PKIB: variants seen among roughly 807,000 people sequenced by gnomAD.
The protein encoded by PKIB is PKI-beta.
In PKIB, 2 loss-of-function variants were observed where a neutral mutation model predicts 4.5. That is an observed-to-expected ratio of 0.44 (90% CI 0.18 to 1.39). The LOEUF (loss-of-function observed/expected upper bound fraction) is 1.39, where lower values mean the gene tolerates loss of function less well. Among genes scored for constraint, PKIB ranks in the 40% most tolerant of loss-of-function variants. The pLI is 0.27. For synonymous variants in PKIB, 38 were observed against 36.0 expected, an observed-to-expected ratio of 1.06 and a Z score of -0.20; for missense variants, 94 against 92.6, an observed-to-expected ratio of 1.02 and a Z score of -0.06.
chr6:122,687,485 G>GT (rs1228718067), intron 3 of PKIB, among the ~76,000 whole-genome samples: 3 of 152,044 alleles, frequency 2.0e-5, no homozygotes, highest in South Asian at 2.1e-4. Context: ...TTTTAGGATA[G>GT]TTTTTTCTAT....
intron 2 of PKIB, among the ~76,000 whole-genome samples, chr6:122,642,630 T>C (rs1365266084): frequency 6.6e-6 from 1 of 152,238 alleles, no homozygotes; most frequent in Non-Finnish European, 1.5e-5. Context: ...AAGGTGTCAC[T>C]GGTGATCAGA....
At chr6:122,669,209 GT>G (rs574040192) in intron 2 of PKIB, among the ~76,000 whole-genome samples, 1 of 150,876 alleles carries the variant, frequency 6.6e-6, no homozygotes, top group Non-Finnish European at 1.5e-5. Flanking sequence ...TCTGTTGGGT[GT>G]TTTTTTTTCT....
At chr6:122,710,497 T>C (rs1779231176) in intron 3 of PKIB, among the ~76,000 whole-genome samples, 1 of 152,130 alleles carries the variant, frequency 6.6e-6, no homozygotes, top group South Asian at 2.1e-4. Flanking sequence ...TAAGAATACT[T>C]TGTGTACAAT....
At chr6:122,707,013 T>C (rs1779086304) in intron 3 of PKIB, among the ~76,000 whole-genome samples, 1 of 152,224 alleles carries the variant, frequency 6.6e-6, no homozygotes, top group South Asian at 2.1e-4. Context: ...TTAACTTATA[T>C]AGTACTAAAG....
Position 122,582,309 on chromosome 6 carries a change from C to CA in PKIB, c.-247-3605dup, listed in dbSNP as rs1476994795. ...TTCCCTTATTTTCTCCTATTTGCCA[C>CA]AAAAAAAGCAAGTGAAATAATGTAA... On this transcript the variant is annotated intron_variant, in intron 2 of 6. Coordinates refer to the PKIB transcript ENST00000392491. Among the ~76,000 whole-genome samples the CA allele has an allele frequency of 7.2e-5, 11 of 151,742 alleles. No homozygotes were observed. In the East Asian group the frequency reaches 1.6e-3, roughly 21 times the overall value.
chr6:122,545,836 T>G (rs1040704086), intron 2 of PKIB, among the ~76,000 whole-genome samples: 3 of 150,620 alleles, frequency 2.0e-5, no homozygotes, highest in African/African-American at 4.9e-5. Context: ...CTTTCCATCA[T>G]GTGAAAAAAA....
At chr6:122,641,930 T>A (rs1422729369) in intron 2 of PKIB, among the ~76,000 whole-genome samples, 1 of 152,138 alleles carries the variant, frequency 6.6e-6, no homozygotes, top group East Asian at 1.9e-4. Flanking sequence ...AGACCTCAGA[T>A]GATCTGCCCA....
chr6:122,518,781 C>T (rs1212888286), intron 2 of PKIB, among the ~76,000 whole-genome samples: 1 of 151,992 alleles, frequency 6.6e-6, no homozygotes, highest in East Asian at 1.9e-4. Context: ...TTCATTAAGA[C>T]AAATATATTT....
At position 122,573,372 on chromosome 6, in the gene PKIB, A is replaced by G. The variant is rs941215217; in HGVS notation, c.-247-12549A>G. Among the ~76,000 whole-genome samples the G allele has an allele frequency of 3.3e-5, 5 of 152,016 alleles. No homozygotes were observed. The East Asian group carries it at 9.7e-4, about 29-fold the overall frequency. ...GCAAGACCCCATCTCTACAAAAAAT[A>G]CAAAAATTCGCTGGTAGTACACACA... is the stretch of plus-strand genomic sequence containing the variant. On this transcript the variant is annotated intron_variant, in intron 2 of 6. Coordinates refer to the PKIB transcript ENST00000392491.
intron 2 of PKIB, among the ~76,000 whole-genome samples, chr6:122,556,127 T>G (rs1284586573): frequency 1.3e-5 from 2 of 152,194 alleles, no homozygotes; most frequent in Admixed American, 6.5e-5. Flanking sequence ...CTTCTCATGA[T>G]AGTGAGTGAG....
intron 1 of PKIB, among the ~76,000 whole-genome samples, chr6:122,472,902 G>T (rs1439023007): frequency 1.3e-5 from 2 of 152,268 alleles, no homozygotes; most frequent in African/African-American, 4.8e-5. Context: ...CACAAGGCCA[G>T]GAGTTCAAGA....
At chr6:122,556,320 A>C (rs1023301003) in intron 2 of PKIB, among the ~76,000 whole-genome samples, 3 of 152,172 alleles carry the variant, frequency 2.0e-5, no homozygotes, top group African/African-American at 7.2e-5. Context: ...TGAATTAGCC[A>C]GTCTTTGGTA....
At chr6:122,607,904 A>G (rs1354866211), upstream of PKIB, among the ~76,000 whole-genome samples, 1 of 152,174 alleles carries the variant, frequency 6.6e-6, no homozygotes, top group East Asian at 1.9e-4. Flanking sequence ...CCAACTTTGC[A>G]TAGTCATCCT....
At chr6:122,678,182 G>A (rs1263931116) in intron 3 of PKIB, among the ~76,000 whole-genome samples, 1 of 152,212 alleles carries the variant, frequency 6.6e-6, no homozygotes, top group Admixed American at 6.5e-5. Flanking sequence ...ACAGGCATGA[G>A]CAAAACCAGC....
Position 122,523,816 on chromosome 6 carries a change from GCT to G in PKIB, c.-248+45882_-248+45883del, listed in dbSNP as rs1449615691. ...AAAAAAAGGATGTTCCCCTGCACAA[GCT>G]CTCTTTCCTGCCGCCATGTAAGATG... On this transcript the variant is annotated intron_variant, in intron 2 of 6. Coordinates refer to the PKIB transcript ENST00000392491. Among the ~76,000 whole-genome samples, 3 of 151,642 alleles carry G rather than the reference GCT, an allele frequency of 2.0e-5. No individual in the cohort carries two copies. In the East Asian group the frequency reaches 5.8e-4, roughly 30 times the overall value.
At chr6:122,680,546 G>A (rs1284578699) in intron 3 of PKIB, among the ~76,000 whole-genome samples, 6 of 152,170 alleles carry the variant, frequency 3.9e-5, no homozygotes, top group African/African-American at 1.2e-4. Context: ...GGAAAAGAGG[G>A]ATTCTGATTT....
chr6:122,555,040 T>G (rs1274605613), intron 2 of PKIB, among the ~76,000 whole-genome samples: 5 of 152,346 alleles, frequency 3.3e-5, no homozygotes, highest in Middle Eastern at 3.4e-3. Context: ...TTATGATGCT[T>G]CTTTTCTTTG....
chr6:122,550,183 A>G (rs1389318568), intron 2 of PKIB, among the ~76,000 whole-genome samples: 1 of 152,070 alleles, frequency 6.6e-6, no homozygotes, highest in African/African-American at 2.4e-5. Flanking sequence ...CCAGAGTGCT[A>G]GGATTACAGA....
chr6:122,722,868 C>T (rs1360940599), intron 4 of PKIB, among the ~76,000 whole-genome samples: 1 of 152,160 alleles, frequency 6.6e-6, no homozygotes, highest in Non-Finnish European at 1.5e-5. Flanking sequence ...CTTTCTCTCA[C>T]CCTAATAAGA....
Sources: gnomAD v4.1 joint callset for allele counts (sites outside exome capture counted in the v4.1 genomes callset) on GRCh38, gnomAD v4.1.1 for gene constraint, MANE v1.5 for transcripts, NCBI Gene and HGNC (gene_info 2026-07-23, HGNC 2026-07-21) for gene names.